Variants in CALN1 observed in about 807,000 individuals in gnomAD.
CALN1 encodes the protein calcium-binding protein 8.
Under a neutral mutation model 30.6 loss-of-function variants are expected in CALN1, and 17 were observed. That is an observed-to-expected ratio of 0.56 (90% confidence interval 0.38 to 0.83). CALN1 has a LOEUF of 0.83. Among genes scored for constraint, CALN1 ranks in the 40% least tolerant of loss-of-function variants. The pLI is 0.00. For missense variants in CALN1, 291 were observed against 354.9 expected, an observed-to-expected ratio of 0.82 and a Z score of 1.45; for synonymous variants, 156 against 131.4, an observed-to-expected ratio of 1.19 and a Z score of -1.28.
chr7:72,360,571 TAGAG>T (rs1244787591), intron 2 of CALN1, among the ~76,000 whole-genome samples: 2 of 151,404 alleles, frequency 1.3e-5, no homozygotes, highest in African/African-American at 4.8e-5. Context: ...TAGCATTAGA[TAGAG>T]AAATAAATAC....
At chr7:72,145,970 C>G (rs889936714) in intron 3 of CALN1, among the ~76,000 whole-genome samples, 36 of 152,134 alleles carry the variant, frequency 2.4e-4, no homozygotes, top group African/African-American at 8.5e-4. Context: ...TGGGACGTAT[C>G]TCAAAATAAT....
intron 3 of CALN1, among the ~76,000 whole-genome samples, chr7:72,277,617 C>T (rs1166795787): frequency 6.6e-6 from 1 of 152,182 alleles, no homozygotes; most frequent in Admixed American, 6.5e-5. Context: ...TAAATAAGCA[C>T]ACAAGCAAAA....
chr7:71,897,965 CAAAAAACAAAAAAA>C (rs1793617139), intron 5 of CALN1, among the ~76,000 whole-genome samples: 7 of 55,126 alleles, frequency 1.3e-4, no homozygotes, highest in Non-Finnish European at 1.8e-4. Flanking sequence ...TGGAAAAAAA[CAAAAAACAAAAAAA>C]AAAAAAAAAA....
intron 6 of CALN1, among the ~76,000 whole-genome samples, chr7:71,798,776 C>T (rs1380869800): frequency 6.6e-6 from 1 of 151,976 alleles, no homozygotes; most frequent in Non-Finnish European, 1.5e-5. Context: ...CATGCACCAC[C>T]ATGACCGACT....
At chr7:72,393,406 G>A (rs563693905) in intron 2 of CALN1, among the ~76,000 whole-genome samples, 2 of 152,332 alleles carry the variant, frequency 1.3e-5, no homozygotes, top group East Asian at 3.9e-4. Context: ...AGAGCTTGCA[G>A]TGAGCCGAGA....
upstream of CALN1, among the ~76,000 whole-genome samples, chr7:72,449,929 G>A (rs1808628157): frequency 6.8e-6 from 1 of 147,662 alleles, no homozygotes. Flanking sequence ...ATTTAGGCTG[G>A]ACACTGTGGC....
At chr7:71,840,011 G>A (rs562149464) in intron 5 of CALN1, among the ~76,000 whole-genome samples, 5 of 152,292 alleles carry the variant, frequency 3.3e-5, no homozygotes, top group African/African-American at 1.2e-4. Flanking sequence ...GGGAGAGGGG[G>A]CTCAAAGAAT....
chr7:71,855,106 T>C, intron 5 of CALN1, among the ~76,000 whole-genome samples: 1 of 152,268 alleles, frequency 6.6e-6, no homozygotes, highest in African/African-American at 2.4e-5. Context: ...TTCGAGCTAA[T>C]AAAGAAGAAA....
the CALN1 span, among the ~76,000 whole-genome samples, chr7:72,455,958 G>A: frequency 3.0e-3 from 451 of 152,026 alleles, no homozygotes; most frequent in African/African-American, 9.9e-3. Context: ...AGGCCAAGGC[G>A]GGCAGATCAC....
intron 3 of CALN1, among the ~76,000 whole-genome samples, chr7:72,158,647 G>A (rs1030629462): frequency 6.6e-6 from 1 of 152,128 alleles, no homozygotes; most frequent in Admixed American, 6.6e-5. Flanking sequence ...GACACAGCAA[G>A]ACACATCCCT....
At chr7:72,344,246 G>C (rs1385538248) in intron 2 of CALN1, among the ~76,000 whole-genome samples, 1 of 151,946 alleles carries the variant, frequency 6.6e-6, no homozygotes, top group Non-Finnish European at 1.5e-5. Flanking sequence ...CCCCCACCAT[G>C]GGCTATCTGA....
chr7:72,050,859 C>T (rs139698915), intron 4 of CALN1, among the ~76,000 whole-genome samples: 255 of 151,842 alleles, frequency 1.7e-3, no homozygotes, highest in Non-Finnish European at 1.2e-3. Context: ...AAAAATTAGC[C>T]AAGCATGGTA....
At chr7:72,328,410 T>A (rs1801433514) in intron 2 of CALN1, among the ~76,000 whole-genome samples, 1 of 152,194 alleles carries the variant, frequency 6.6e-6, no homozygotes, top group Non-Finnish European at 1.5e-5. Flanking sequence ...ATGGAAGACA[T>A]CCTCTTGCTC....
At chr7:72,189,795 T>C (rs1233054964) in intron 3 of CALN1, among the ~76,000 whole-genome samples, 3 of 151,426 alleles carry the variant, frequency 2.0e-5, no homozygotes, top group South Asian at 4.1e-4. Flanking sequence ...AAATTTACTA[T>C]GTATGGAGAT....
At chr7:71,882,634 A>C (rs547386060) in intron 5 of CALN1, among the ~76,000 whole-genome samples, 3 of 152,158 alleles carry the variant, frequency 2.0e-5, no homozygotes, top group Non-Finnish European at 4.4e-5. Context: ...CTTTGCATCC[A>C]ATTTAGAATA....
At chr7:71,951,191 C>T (rs1043394789) in intron 5 of CALN1, among the ~76,000 whole-genome samples, 2 of 152,154 alleles carry the variant, frequency 1.3e-5, no homozygotes, top group African/African-American at 4.8e-5. Context: ...GGCACAACAC[C>T]CTTTTCTTTT....
At chr7:72,054,527 A>G (rs1803110380) in intron 4 of CALN1, among the ~76,000 whole-genome samples, 1 of 90,092 alleles carries the variant, frequency 1.1e-5, no homozygotes, top group Admixed American at 1.2e-4. Context: ...ATACATATAT[A>G]CATACATATA....
In CALN1 at chr7:72,365,068, G is replaced by A. The variant is rs183745839; in HGVS notation, c.119+38183C>T. ...ACCTGCAATCCCAGCACTTTGGGAG[G>A]CCAAGGCAGGTGGATCACCTGAGGT... is the stretch of plus-strand genomic sequence containing the variant. On this transcript the variant is annotated intron_variant, in intron 2 of 6. Coordinates refer to ENST00000395275, the MANE Select transcript of CALN1 (RefSeq NM_031468.4). Among the ~76,000 whole-genome samples the A allele has an allele frequency of 2.6e-5, 4 of 152,220 alleles. No individual in the cohort carries two copies. The East Asian group carries it at 7.8e-4, about 30-fold the overall frequency.
intron 3 of CALN1, among the ~76,000 whole-genome samples, chr7:72,244,161 G>A (rs987493094): frequency 3.9e-5 from 6 of 152,308 alleles, no homozygotes; most frequent in East Asian, 1.9e-4. Context: ...CTAAAGTTAC[G>A]TTTTTGAAGA....
Sources: allele counts gnomAD v4.1 joint callset (sites outside exome capture counted in the v4.1 genomes callset), GRCh38; gene constraint gnomAD v4.1.1; transcripts MANE v1.5; gene names NCBI Gene and HGNC (gene_info 2026-07-23, HGNC 2026-07-21).